GRIP1: variants seen among roughly 807,000 people sequenced by gnomAD.
GRIP1 encodes the protein glutamate receptor-interacting protein 1.
In GRIP1, 45 loss-of-function variants were observed where a neutral mutation model predicts 129.9. The observed-to-expected ratio is 0.35, with a 90% CI of 0.27 to 0.44. GRIP1 has a LOEUF of 0.44. GRIP1 is among the 20% of genes least tolerant of loss of function. The pLI, the probability that GRIP1 is intolerant of heterozygous loss-of-function variation, is 1.00. For missense variants in GRIP1, 1,196 were observed against 1,396.8 expected (o/e 0.86, Z 2.29); for synonymous variants, 530 against 520.8 (o/e 1.02, Z -0.24).
rs574397642 is a variant in GRIP1, at chr12:66,448,845, C to G, written c.1355-3337G>C. Reference sequence around the variant, plus strand: ...AGCCTTTCTAACATGCAAGGGTAACCCCTGCCCTGTTTTGAATTTTCAATA... The same window carrying G: ...AGCCTTTCTAACATGCAAGGGTAACGCCTGCCCTGTTTTGAATTTTCAATA... On this transcript the variant is annotated intron_variant, in intron 11 of 24. Coordinates refer to ENST00000359742, the MANE Select transcript of GRIP1 (RefSeq NM_001366722.1). Among the ~76,000 whole-genome samples the G allele has an allele frequency of 1.4e-3, 220 of 152,284 alleles. 1 individual carries two copies. Among genetic ancestry groups the G allele is most frequent in the African/African-American group, 5.0e-3 (209 of 41,566 alleles).
intron 7 of GRIP1, among the ~76,000 whole-genome samples, chr12:66,485,742 C>T (rs1020899951): frequency 1.3e-4 from 20 of 151,742 alleles, no homozygotes; most frequent in Non-Finnish European, 2.1e-4. Flanking sequence ...GTGTTGTGCC[C>T]GGTAGAGTCA....
intron 4 of GRIP1, among the ~76,000 whole-genome samples, chr12:66,535,107 C>A (rs537503629): frequency 6.6e-6 from 1 of 152,282 alleles, no homozygotes; most frequent in East Asian, 1.9e-4. Context: ...GCTAGCATGA[C>A]CTCCTTTAAG....
intron 9 of GRIP1, among the ~76,000 whole-genome samples, chr12:66,457,153 T>C (rs2058992172): frequency 6.6e-6 from 1 of 152,230 alleles, no homozygotes; most frequent in Non-Finnish European, 1.5e-5. Flanking sequence ...AGCTTCAATA[T>C]TAAGATTTGA....
chr12:67,063,503 T>G (rs1229391446), intron 1 of GRIP1, among the ~76,000 whole-genome samples: 1 of 152,214 alleles, frequency 6.6e-6, no homozygotes, highest in Non-Finnish European at 1.5e-5. Flanking sequence ...CTTTTCAATT[T>G]CAGAAGAAAT....
Position 66,948,508 on chromosome 12 carries a change from G to A in GRIP1, c.58+120542C>T, listed in dbSNP as rs1167947115. On this transcript the variant is annotated intron_variant, in intron 1 of 1. Coordinates refer to the GRIP1 transcript ENST00000643019. ...TGAGTGATGAAGAAGCTCATGGACT[G>A]GCTCATAGAAGAAGATTATGAGCTG... Among the ~76,000 whole-genome samples, 8 of 152,270 alleles carry A rather than the reference G, an allele frequency of 5.3e-5. No homozygotes were observed. In the East Asian group the frequency reaches 1.4e-3, roughly 26 times the overall value.
At chr12:66,645,703 A>C (rs941884313) in intron 1 of GRIP1, among the ~76,000 whole-genome samples, 3 of 152,212 alleles carry the variant, frequency 2.0e-5, no homozygotes, top group Non-Finnish European at 4.4e-5. Flanking sequence ...AAATTTCAAG[A>C]TAATTATTTT....
chr12:66,457,264 A>C (rs2058996079), intron 9 of GRIP1, among the ~76,000 whole-genome samples: 1 of 152,116 alleles, frequency 6.6e-6, no homozygotes, highest in Non-Finnish European at 1.5e-5. Flanking sequence ...AAAATAACAT[A>C]TGAACTTATT....
At position 66,381,653 on chromosome 12, in the gene GRIP1, C is replaced by T. The variant is rs537542268; in HGVS notation, c.2465-2217G>A. Among the ~76,000 whole-genome samples the T allele has an allele frequency of 2.0e-5, 3 of 152,298 alleles. No individual in the cohort carries two copies. In the South Asian group the frequency reaches 6.2e-4, roughly 32 times the overall value. On this transcript the variant is annotated intron_variant, in intron 19 of 24. Transcript: ENST00000359742. Reference sequence around the variant, plus strand: ...TCAACATTTTAGACTGATTTTCTTTCCAACTGTTGTATGTATAATAAGTAG... The same window carrying T: ...TCAACATTTTAGACTGATTTTCTTTTCAACTGTTGTATGTATAATAAGTAG...
chr12:66,897,660 T>C (rs1307854598), intron 1 of GRIP1, among the ~76,000 whole-genome samples: 1 of 152,212 alleles, frequency 6.6e-6, no homozygotes, highest in African/African-American at 2.4e-5. Flanking sequence ...GAAATGGCAG[T>C]ACACCAGGTA....
chr12:66,383,039 G>C (rs925815487), intron 19 of GRIP1, among the ~76,000 whole-genome samples: 3 of 152,084 alleles, frequency 2.0e-5, no homozygotes, highest in Admixed American at 6.5e-5. Flanking sequence ...GCTCATGCCT[G>C]TAATCCCAGC....
At chr12:66,514,642 A>AC (rs2060792852) in intron 7 of GRIP1, among the ~76,000 whole-genome samples, 2 of 152,118 alleles carry the variant, frequency 1.3e-5, no homozygotes, top group Non-Finnish European at 2.9e-5. Context: ...TCAAGGGCAT[A>AC]CCACATCATT....
intron 1 of GRIP1, among the ~76,000 whole-genome samples, chr12:67,062,768 T>A (rs2043556914): frequency 6.6e-6 from 1 of 152,138 alleles, no homozygotes; most frequent in African/African-American, 2.4e-5. Flanking sequence ...CTTGGGCACA[T>A]TTCTCTCTCT....
chr12:66,818,927 C>T (rs2039272411), intron 1 of GRIP1, among the ~76,000 whole-genome samples: 1 of 152,128 alleles, frequency 6.6e-6, no homozygotes, highest in South Asian at 2.1e-4. Flanking sequence ...TTATTTTCTG[C>T]AAATTCTAAT....
Position 66,348,360 on chromosome 12 carries a change from G to GAC in GRIP1, c.*657_*658dup, listed in dbSNP as rs1169118039. The GAC allele has an allele frequency of 1.3e-5, 2 of 150,686 alleles. No homozygotes were observed. Among genetic ancestry groups the GAC allele is most frequent in the Non-Finnish European group, 1.5e-5 (1 of 68,242 alleles). 9.3% of individuals were successfully genotyped at this position (150,686 alleles called of 1,614,324 possible). The stretch of plus-strand genomic sequence containing the variant: ...TCCTTAAAAAAAAAACAGGTCACAA[G>GAC]ACATATCCTGTTTGATAATTTGTTG... On this transcript the variant is annotated 3_prime_UTR_variant, in exon 25 of 25. Coordinates refer to ENST00000359742, the MANE Select transcript of GRIP1 (RefSeq NM_001366722.1).
chr12:66,461,739 C>A (rs10219465), intron 9 of GRIP1, among the ~76,000 whole-genome samples: 2 of 151,990 alleles, frequency 1.3e-5, no homozygotes, highest in African/African-American at 4.8e-5. Flanking sequence ...TCTTTCCCCC[C>A]GCCCCAGACT....
At chr12:66,814,053 T>C (rs2039157087) in intron 1 of GRIP1, among the ~76,000 whole-genome samples, 1 of 152,060 alleles carries the variant, frequency 6.6e-6, no homozygotes, top group Non-Finnish European at 1.5e-5. Flanking sequence ...GGTTTAAGGG[T>C]TGTGCCTTAA....
intron 1 of GRIP1, among the ~76,000 whole-genome samples, chr12:66,880,656 T>C (rs1052537710): frequency 2.6e-5 from 4 of 152,072 alleles, no homozygotes; most frequent in Admixed American, 2.6e-4. Flanking sequence ...TATAATAAAA[T>C]TGGAATAGAG....
chr12:66,637,674 G>A (rs1336822974), intron 1 of GRIP1, among the ~76,000 whole-genome samples: 1 of 151,914 alleles, frequency 6.6e-6, no homozygotes, highest in East Asian at 1.9e-4. Flanking sequence ...GAGCCCGCTG[G>A]GAGCCAATTT....
chr12:67,059,261 C>T (rs1301276669), intron 1 of GRIP1, among the ~76,000 whole-genome samples: 1 of 152,176 alleles, frequency 6.6e-6, no homozygotes, highest in African/African-American at 2.4e-5. Flanking sequence ...TAGAAAAGGC[C>T]TCGGTAGAAG....
Sources: allele counts gnomAD v4.1 joint callset (sites outside exome capture counted in the v4.1 genomes callset), GRCh38; gene constraint gnomAD v4.1.1; transcripts MANE v1.5; gene names NCBI Gene and HGNC (gene_info 2026-07-23, HGNC 2026-07-21).